BTBD9: variants seen among roughly 807,000 people sequenced by gnomAD.
BTBD9 encodes BTB/POZ domain-containing protein 9.
Under a neutral mutation model 64.3 loss-of-function variants are expected in BTBD9, and 49 were observed. The observed-to-expected ratio is 0.76, with a 90% CI of 0.61 to 0.97. The LOEUF (loss-of-function observed/expected upper bound fraction) is 0.97. BTBD9 is among the 50% of genes least tolerant of loss of function. BTBD9 has a pLI of 0.00. For missense variants in BTBD9, 598 were observed against 762.1 expected (o/e 0.78, Z 2.53); for synonymous variants, 260 against 274.7 (o/e 0.95, Z 0.53).
chr6:38,248,687 T>C (rs1259758234), intron 9 of BTBD9, among the ~76,000 whole-genome samples: 3 of 152,216 alleles, frequency 2.0e-5, no homozygotes, highest in African/African-American at 7.2e-5. Context: ...GTGGTGCTTT[T>C]GGGAATTCAG....
intron 7 of BTBD9, among the ~76,000 whole-genome samples, chr6:38,320,188 C>T (rs529196558): frequency 2.6e-5 from 4 of 152,252 alleles, no homozygotes; most frequent in African/African-American, 7.2e-5. Context: ...CATTCCTATC[C>T]TTTTCAGTGC....
chr6:38,600,343 C>T (rs909586792), intron 1 of BTBD9, among the ~76,000 whole-genome samples: 25 of 152,334 alleles, frequency 1.6e-4, no homozygotes, highest in African/African-American at 6.0e-4. Flanking sequence ...TCATAGTTTG[C>T]TAGCCCCTGG....
At chr6:38,302,029 G>A (rs1275432220) in intron 7 of BTBD9, among the ~76,000 whole-genome samples, 1 of 152,014 alleles carries the variant, frequency 6.6e-6, no homozygotes, top group East Asian at 1.9e-4. Flanking sequence ...ACATTTATGG[G>A]GTAAAGTATG....
At chr6:38,601,550 G>T (rs1777239589) in intron 1 of BTBD9, among the ~76,000 whole-genome samples, 1 of 152,132 alleles carries the variant, frequency 6.6e-6, no homozygotes, top group South Asian at 2.1e-4. Flanking sequence ...GCCAGGCATG[G>T]TGGCATGAGC....
chr6:38,411,865 A>T (rs2127259596), intron 6 of BTBD9, among the ~76,000 whole-genome samples: 1 of 152,252 alleles, frequency 6.6e-6, no homozygotes, highest in South Asian at 2.1e-4. Flanking sequence ...AGAACCCAGG[A>T]GGCAGAGGTT....
chr6:38,335,378 G>A (rs1433677850), intron 7 of BTBD9, among the ~76,000 whole-genome samples: 1 of 151,258 alleles, frequency 6.6e-6, no homozygotes. Context: ...TCAGCCTCCT[G>A]AGTAGCTGGA....
Position 38,174,119 on chromosome 6 carries a change from A to G in BTBD9, c.*866T>C, listed in dbSNP as rs552752763. On this transcript the variant is annotated 3_prime_UTR_variant, in exon 11 of 11. Coordinates refer to ENST00000481247, the MANE Select transcript of BTBD9 (RefSeq NM_001099272.2). The stretch of plus-strand genomic sequence containing the variant: ...GTTTGGCCACGCCAGAACTCGGTAT[A>G]TGTTTATCTACATGGACTTCGGAAC... 6.6e-6 allele frequency: 1 copy of G among 152,334 alleles called. No individual in the cohort carries two copies. Among genetic ancestry groups the G allele is most frequent in the African/African-American group, 2.4e-5 (1 of 41,574 alleles). The allele number at this position is 152,334 out of a possible 1,614,324, so 9.4% of individuals were successfully genotyped here. A position where few individuals can be genotyped will look rare whatever the true frequency, so the allele number is the denominator to read the frequency against.
intron 9 of BTBD9, among the ~76,000 whole-genome samples, chr6:38,238,773 G>A (rs540473202): frequency 2.2e-4 from 33 of 152,070 alleles, no homozygotes; most frequent in African/African-American, 7.5e-4. Flanking sequence ...GCGCCTGGCC[G>A]AGACCAATGT....
chr6:38,354,120 T>G (rs951275028), intron 6 of BTBD9, among the ~76,000 whole-genome samples: 3 of 152,098 alleles, frequency 2.0e-5, no homozygotes, highest in Admixed American at 1.3e-4. Context: ...AAACATTATA[T>G]ACCCTGAGAA....
At chr6:38,275,824 C>T (rs1240619362) in intron 8 of BTBD9, among the ~76,000 whole-genome samples, 5 of 151,798 alleles carry the variant, frequency 3.3e-5, no homozygotes, top group Admixed American at 6.6e-5. Context: ...GTTAGAATGG[C>T]GATCATTAAA....
At position 38,278,278 on chromosome 6, in the gene BTBD9, T is replaced by C. The variant is rs180826672; in HGVS notation, c.1454+9994A>G. On this transcript the variant is annotated intron_variant, in intron 8 of 10. Coordinates refer to ENST00000481247, the MANE Select transcript of BTBD9 (RefSeq NM_001099272.2). ...CCATGCCCCTGTGGACTTTTTGTTA[T>C]GTGACACAAAAACAAACAAACAAAA... Among the ~76,000 whole-genome samples the C allele has an allele frequency of 3.0e-3, 457 of 152,332 alleles. 3 individuals carry two copies. The highest frequency in any genetic ancestry group is 2.4e-3 in the Non-Finnish European group (160 of 68,024).
At chr6:38,382,261 C>A (rs1258629669) in intron 6 of BTBD9, among the ~76,000 whole-genome samples, 1 of 152,128 alleles carries the variant, frequency 6.6e-6, no homozygotes, top group Non-Finnish European at 1.5e-5. Flanking sequence ...CCAGAGGGAA[C>A]AATAAGAACC....
chr6:38,442,466 T>A (rs990638303), intron 6 of BTBD9, among the ~76,000 whole-genome samples: 5 of 151,370 alleles, frequency 3.3e-5, no homozygotes, highest in African/African-American at 1.2e-4. Flanking sequence ...CGAGACTTCA[T>A]CTCAAAAAAA....
intron 6 of BTBD9, among the ~76,000 whole-genome samples, chr6:38,393,919 G>C (rs1413089919): frequency 6.6e-6 from 1 of 152,176 alleles, no homozygotes; most frequent in Admixed American, 6.5e-5. Context: ...CCTATTATCT[G>C]TTTGGGCACT....
chr6:38,419,794 C>T (rs1195097927), intron 6 of BTBD9, among the ~76,000 whole-genome samples: 2 of 152,078 alleles, frequency 1.3e-5, no homozygotes, highest in Non-Finnish European at 2.9e-5. Flanking sequence ...CGCTTGAACT[C>T]GGGAGATAGA....
chr6:38,584,534 C>T (rs1305066415), intron 4 of BTBD9, among the ~76,000 whole-genome samples: 1 of 152,114 alleles, frequency 6.6e-6, no homozygotes, highest in Admixed American at 6.6e-5. Flanking sequence ...GGTTAATTAC[C>T]TTGTGCTTTT....
chr6:38,175,027 G>C lies in BTBD9; in HGVS notation c.1797C>G (p.Ser599Arg), dbSNP rs773690520. The change falls in exon 11 of 11, where the codon AGC becomes AGG. Residue 599 changes from serine to arginine, a missense_variant. Ser to Arg is a moderately radical substitution (Grantham distance 110, BLOSUM62 -1). Coordinates refer to ENST00000481247, the MANE Select transcript of BTBD9 (RefSeq NM_001099272.2). The part of the protein sequence containing the change: ...RAPSGSSLPS[S>R]PGSNSRSPNR... ...TGGGGGAGCGTGAGTTGGAGCCTGGGCTGGAGGGTAGTGAGCTGCCACTAG... is the reference window on the plus strand; with the variant it reads ...TGGGGGAGCGTGAGTTGGAGCCTGGCCTGGAGGGTAGTGAGCTGCCACTAG... The C allele has an allele frequency of 6.2e-7, 1 of 1,614,110 alleles. No individual in the cohort carries two copies. The highest frequency in any genetic ancestry group is 1.7e-5 in the Admixed American group (1 of 60,030).
At chr6:38,407,151 G>C (rs959238114) in intron 6 of BTBD9, among the ~76,000 whole-genome samples, 2 of 152,216 alleles carry the variant, frequency 1.3e-5, no homozygotes, top group African/African-American at 4.8e-5. Flanking sequence ...TACAGGTTTG[G>C]AAAAGTATTT....
At chr6:38,587,940 G>A in intron 4 of BTBD9, 2 of 725,874 alleles carry the variant, frequency 2.8e-6, no homozygotes, top group Non-Finnish European at 2.6e-6. Context: ...GCAGAAGACT[G>A]TTCAGGAACA....
Sources: gnomAD v4.1 joint callset for allele counts (sites outside exome capture counted in the v4.1 genomes callset) on GRCh38, gnomAD v4.1.1 for gene constraint, MANE v1.5 for transcripts, NCBI Gene and HGNC (gene_info 2026-07-23, HGNC 2026-07-21) for gene names.